DAW1: variants seen among roughly 807,000 people sequenced by gnomAD.
DAW1 encodes the protein dynein assembly factor with WD repeats 1.
In DAW1, 47 loss-of-function variants were observed where a neutral mutation model predicts 56.5. That is an observed-to-expected ratio of 0.83 (90% CI 0.66 to 1.06). The LOEUF is 1.06. DAW1 is among the 50% of genes least tolerant of loss of function. DAW1 has a pLI of 0.00. For missense variants in DAW1, 505 were observed against 499.3 expected (o/e 1.01, Z -0.11); for synonymous variants, 190 against 179.0 (o/e 1.06, Z -0.49).
intron 10 of DAW1, among the ~76,000 whole-genome samples, chr2:227,918,171 T>TCCGTC (rs376323426): frequency 8.1e-6 from 1 of 124,116 alleles, no homozygotes; most frequent in Non-Finnish European, 1.7e-5. Flanking sequence ...CATCCATCCA[T>TCCGTC]CATCCATCCA....
chr2:227,874,758 C>T (rs555242993), intron 1 of DAW1, among the ~76,000 whole-genome samples: 313 of 152,096 alleles, frequency 2.1e-3, no homozygotes, highest in African/African-American at 7.0e-3. Flanking sequence ...GTCAGGAGTT[C>T]GAGACCAGCC....
At chr2:227,889,673 T>C in intron 2 of DAW1, 183 bp from the exon 3 acceptor site, 1 of 435,214 alleles carries the variant, frequency 2.3e-6, no homozygotes, top group Non-Finnish European at 4.1e-6. Context: ...CCTGCCATCA[T>C]CTATTTACTG....
intron 11 of DAW1, among the ~76,000 whole-genome samples, chr2:227,921,068 C>T (rs1403397661): frequency 6.6e-6 from 1 of 152,108 alleles, no homozygotes; most frequent in Non-Finnish European, 1.5e-5. Flanking sequence ...CAGGGCCCTG[C>T]ATCTTTGCAC....
At chr2:227,905,911 C>G (rs1045452474) in intron 8 of DAW1, among the ~76,000 whole-genome samples, 1 of 152,136 alleles carries the variant, frequency 6.6e-6, no homozygotes, top group East Asian at 1.9e-4. Context: ...CCCACCACCA[C>G]GCCTGGCTAA....
At chr2:227,920,703 G>T (rs550484977) in intron 11 of DAW1, among the ~76,000 whole-genome samples, 1 of 151,612 alleles carries the variant, frequency 6.6e-6, no homozygotes, top group Non-Finnish European at 1.5e-5. Context: ...TTGAGATGGA[G>T]TCTTGCTCTG....
chr2:227,912,814 C>T (rs1691860590), intron 10 of DAW1, among the ~76,000 whole-genome samples: 2 of 152,062 alleles, frequency 1.3e-5, no homozygotes, highest in South Asian at 2.1e-4. Flanking sequence ...GTGGATTGTG[C>T]TCTCATACGT....
chr2:227,889,096 T>C (rs1382516159), intron 2 of DAW1, among the ~76,000 whole-genome samples: 3 of 152,174 alleles, frequency 2.0e-5, no homozygotes, highest in Admixed American at 6.5e-5. Flanking sequence ...AGAGAACATA[T>C]GTAAAGTGAA....
chr2:227,899,312 A>T (rs912492257), intron 6 of DAW1, among the ~76,000 whole-genome samples: 3 of 152,210 alleles, frequency 2.0e-5, no homozygotes, highest in African/African-American at 7.2e-5. Flanking sequence ...AGGTAGAATG[A>T]TTCTTTAGAT....
chr2:227,895,972 T>C (rs1691397778), intron 5 of DAW1, among the ~76,000 whole-genome samples: 1 of 152,078 alleles, frequency 6.6e-6, no homozygotes, highest in African/African-American at 2.4e-5. Flanking sequence ...TTCATAAAAA[T>C]TTGATACACT....
At chr2:227,890,456 A>T (rs892811571) in intron 3 of DAW1, among the ~76,000 whole-genome samples, 2 of 152,180 alleles carry the variant, frequency 1.3e-5, no homozygotes, top group Admixed American at 1.3e-4. Context: ...AGTTTTTTTG[A>T]TGATTAAATA....
chr2:227,920,735 G>A (rs1692086089), intron 11 of DAW1, among the ~76,000 whole-genome samples: 1 of 151,894 alleles, frequency 6.6e-6, no homozygotes, highest in African/African-American at 2.4e-5. Flanking sequence ...GGAGAGCAGT[G>A]GCATGATCTC....
At chr2:227,875,156 A>G (rs149634771) in intron 1 of DAW1, among the ~76,000 whole-genome samples, 211 of 151,872 alleles carry the variant, frequency 1.4e-3, no homozygotes, top group African/African-American at 4.7e-3. Context: ...AACATTTTGG[A>G]CTCTTCCTTG....
At chr2:227,877,267 C>A (rs1017002817) in intron 1 of DAW1, among the ~76,000 whole-genome samples, 1 of 152,236 alleles carries the variant, frequency 6.6e-6, no homozygotes. Flanking sequence ...CAACCTCTGC[C>A]TCTGTCTCCC....
chr2:227,917,672 G>C, intron 10 of DAW1, among the ~76,000 whole-genome samples: 1 of 152,066 alleles, frequency 6.6e-6, no homozygotes, highest in East Asian at 1.9e-4. Flanking sequence ...AAAACTTAGA[G>C]TGTAGATCTG....
At chr2:227,911,224 A>T (rs977856709) in intron 10 of DAW1, among the ~76,000 whole-genome samples, 1 of 146,316 alleles carries the variant, frequency 6.8e-6, no homozygotes, top group Non-Finnish European at 1.5e-5. Context: ...ATATACATAC[A>T]TATGTGTATA....
intron 1 of DAW1, among the ~76,000 whole-genome samples, chr2:227,880,908 G>A (rs1428165456): frequency 1.3e-5 from 2 of 152,180 alleles, no homozygotes; most frequent in African/African-American, 2.4e-5. Context: ...TTAATACTTA[G>A]CATGTTGATG....
chr2:227,871,835 C>G, intron 1 of DAW1, 106 bp downstream of exon 1: 4 of 1,486,838 alleles, frequency 2.7e-6, no homozygotes, highest in Non-Finnish European at 3.7e-6. Flanking sequence ...GGCGGGGTCC[C>G]CAGGTGGGGC....
chr2:227,887,524 T>C (rs12053013), intron 2 of DAW1: 61,222 of 152,126 alleles, frequency 0.4, 13,751 homozygotes, highest in Admixed American at 0.55. Flanking sequence ...TTGTACAACA[T>C]AGAACATCAC....
Position 227,910,865 on chromosome 2 carries a change from A to G in DAW1, c.973+3613A>G, listed in dbSNP as rs879834099. ...TGATAAGCACCTGTGACATTACAAC[A>G]TATCTGTGTCGAATCCATGGTATCT... On this transcript the variant is annotated intron_variant, in intron 10 of 12. Coordinates refer to ENST00000309931, the MANE Select transcript of DAW1 (RefSeq NM_178821.3). Among the ~76,000 whole-genome samples, 7 of 152,128 alleles carry G rather than the reference A, an allele frequency of 4.6e-5. 1 individual carries two copies. The East Asian group carries it at 1.2e-3, about 25-fold the overall frequency.
Sources: gnomAD v4.1 joint callset for allele counts (sites outside exome capture counted in the v4.1 genomes callset) on GRCh38, gnomAD v4.1.1 for gene constraint, MANE v1.5 for transcripts, NCBI Gene and HGNC (gene_info 2026-07-23, HGNC 2026-07-21) for gene names.